Variants in SLC30A5 observed in about 807,000 individuals in gnomAD.
SLC30A5 encodes the protein proton-coupled zinc antiporter SLC30A5.
Under a neutral mutation model 79.6 loss-of-function variants are expected in SLC30A5, and 33 were observed. The observed-to-expected ratio is 0.41, with a 90% CI of 0.31 to 0.55. The LOEUF is 0.55. Ranked by LOEUF, SLC30A5 falls within the 20% of genes least tolerant of loss-of-function variation. The pLI, the probability that SLC30A5 is intolerant of heterozygous loss-of-function variation, is 0.20. For missense variants in SLC30A5, 788 were observed against 928.1 expected (o/e 0.85, Z 1.96); for synonymous variants, 299 against 319.7 (o/e 0.94, Z 0.69).
Position 69,113,123 on chromosome 5 carries a change from G to C in SLC30A5, c.448-17G>C. On this transcript the variant is annotated splice_polypyrimidine_tract_variant and intron_variant, in intron 5 of 15. Coordinates refer to ENST00000396591, the MANE Select transcript of SLC30A5 (RefSeq NM_022902.5). ...CCTTGAAAAAGTCATCCTTGATGTT[G>C]TTTTCTTTATTTTCAGACAAGGGGA... 1 of 1,603,800 alleles carries C rather than the reference G, an allele frequency of 6.2e-7. No individual in the cohort carries two copies. Among genetic ancestry groups the C allele is most frequent in the Non-Finnish European group, 8.5e-7 (1 of 1,173,884 alleles).
chr5:69,100,459 A>G (rs147365838), intron 1 of SLC30A5, among the ~76,000 whole-genome samples: 2 of 152,180 alleles, frequency 1.3e-5, no homozygotes, highest in Non-Finnish European at 2.9e-5. Flanking sequence ...GCTGGTCTCA[A>G]GCTACTGCAC....
chr5:69,125,870 C>CAAAAAAAAAAAAAAAAAAAAAAAA (rs532994254), intron 14 of SLC30A5, among the ~76,000 whole-genome samples: 15 of 54,200 alleles, frequency 2.8e-4, no homozygotes, highest in South Asian at 1.4e-3. Context: ...GACTCCGTCT[C>CAAAAAAAAAAAAAAAAAAAAAAAA]AAAAAAAAAA....
At position 69,116,056 on chromosome 5, in the gene SLC30A5, G is replaced by A; in HGVS notation, c.914G>A (p.Gly305Glu). Residue 305 changes from glycine (G) to glutamate (E), a missense_variant, in exon 9 of 16, where the codon GGA becomes GAA. By Grantham distance (98) the Gly-to-Glu change is moderately conservative. This residue lies in a region of SLC30A5 where 626 missense variants were observed against 755.5 expected (regional missense o/e 0.83). Transcript: ENST00000396591. The surrounding 1 kb of genome is among the most constrained non-coding windows in gnomAD (Gnocchi z 4.0). ...GAAGTTTCCAAATGTGCTCGTTATG[G>A]ATCCTTTCCCATTTTTATTAGTGCT... ...KMEVSKCARY[G>E]SFPIFISALL... is the part of the protein sequence containing the mutation. 1 of 1,614,062 alleles carries A rather than the reference G, an allele frequency of 6.2e-7. No homozygotes were observed. Among genetic ancestry groups the A allele is most frequent in the Non-Finnish European group, 8.5e-7 (1 of 1,180,020 alleles).
At chr5:69,104,772 A>T (rs1580170126) in intron 4 of SLC30A5, 56 bp downstream of exon 4, 6 of 1,319,388 alleles carry the variant, frequency 4.5e-6, no homozygotes, top group Admixed American at 2.1e-5. Flanking sequence ...TTTGAATATT[A>T]TTTTTGTTCC....
Position 69,115,998 on chromosome 5 carries a change from T to A in SLC30A5, c.856T>A (p.Phe286Ile), listed in dbSNP as rs755309661. Reference sequence around the variant, plus strand: ...TATCTTTTTTGTCATGATCCTGGATTTCTACGTGGATTCCATTTGTTCAGT... The same window carrying A: ...TATCTTTTTTGTCATGATCCTGGATATCTACGTGGATTCCATTTGTTCAGT... ...TVIFFVMILD[F>I]YVDSICSVKM... Residue 286 changes from phenylalanine to isoleucine, a missense_variant, in exon 9 of 16, where the codon TTC becomes ATC. Physicochemically the swap from Phe to Ile is conservative, Grantham distance 21. Coordinates refer to ENST00000396591, the MANE Select transcript of SLC30A5 (RefSeq NM_022902.5). The A allele has an allele frequency of 6.2e-7, 1 of 1,614,110 alleles. No homozygotes were observed. Among genetic ancestry groups the A allele is most frequent in the Non-Finnish European group, 8.5e-7 (1 of 1,179,976 alleles).
At chr5:69,113,050 A>T in intron 5 of SLC30A5, 90 bp from the exon 6 acceptor site, 1 of 1,030,168 alleles carries the variant, frequency 9.7e-7, no homozygotes, top group South Asian at 1.5e-5. Context: ...CTTACTTGAG[A>T]AAATGTTTTT....
Position 69,103,094 on chromosome 5 carries a change from C to A in SLC30A5, c.239C>A (p.Pro80Gln). ...TTTTTTATGGTTTTGTTTCAAAAGCCATTTTCTTCTGGGAAAACTATTACC... is the reference window on the plus strand; with the variant it reads ...TTTTTTATGGTTTTGTTTCAAAAGCAATTTTCTTCTGGGAAAACTATTACC... ...TAFFMVLFQK[P>Q]FSSGKTITKH... Residue 80 changes from proline to glutamine, a missense_variant, in exon 3 of 16, where the codon CCA becomes CAA. Transcript: ENST00000396591. 6.3e-7 allele frequency: 1 copy of A among 1,588,990 alleles called. No individual in the cohort carries two copies. Among genetic ancestry groups the A allele is most frequent in the South Asian group, 1.1e-5 (1 of 88,516 alleles).
intron 14 of SLC30A5, among the ~76,000 whole-genome samples, chr5:69,126,821 A>G (rs531635985): frequency 6.6e-6 from 1 of 151,066 alleles, no homozygotes; most frequent in South Asian, 2.1e-4. Flanking sequence ...ATATATATAT[A>G]TATGTATATA....
chr5:69,118,132 G>C (rs974003459), intron 11 of SLC30A5, among the ~76,000 whole-genome samples: 95 of 146,196 alleles, frequency 6.5e-4, no homozygotes, highest in Non-Finnish European at 1.2e-3. Context: ...AGCCAAGATC[G>C]TGCCACTGCA....
rs183336574 is a variant in SLC30A5 at position 69,115,330 on chromosome 5, C to G, written c.706C>G (p.Arg236Gly). ...KLSVDVGGAK[R>G]LQALSHLVSV... ...CTCTGTCGACGTTGGTGGAGCTAAACGTCTTCAAGCTTTATCTCATCTTGT... is the reference window on the plus strand; with the variant it reads ...CTCTGTCGACGTTGGTGGAGCTAAAGGTCTTCAAGCTTTATCTCATCTTGT... The change falls in exon 8 of 16, where the codon CGT becomes GGT. Residue 236 changes from arginine (R) to glycine (G), a missense_variant. Physicochemically the swap from Arg to Gly is moderately radical, Grantham distance 125. Coordinates refer to ENST00000396591, the MANE Select transcript of SLC30A5 (RefSeq NM_022902.5). 33 of 1,613,898 alleles carry G rather than the reference C, an allele frequency of 2.0e-5. No individual in the cohort carries two copies. The highest frequency in any genetic ancestry group is 1.6e-4 in the Middle Eastern group (1 of 6,062).
chr5:69,120,017 C>CAAA lies in SLC30A5; in HGVS notation c.1569+1407_1569+1409dup, dbSNP rs35168466. Among the ~76,000 whole-genome samples the CAAA allele has an allele frequency of 1.5e-3, 97 of 64,118 alleles. 1 individual carries two copies. The highest frequency in any genetic ancestry group is 5.5e-3 in the African/African-American group (80 of 14,666). 42.1% of individuals were successfully genotyped at this position (64,118 alleles called of 152,430 possible). A position where few individuals can be genotyped will look rare whatever the true frequency, so the allele number is the denominator to read the frequency against. On this transcript the variant is annotated intron_variant, in intron 12 of 15. Transcript: ENST00000396591. The stretch of plus-strand genomic sequence containing the variant: ...CCTGGGTGATAGAGAGACTCTGCCT[C>CAAA]AAAAAAAAAAAAAAAAAAAAGTAGT...
chr5:69,103,854 T>C, intron 3 of SLC30A5: 1 of 871,770 alleles, frequency 1.1e-6, no homozygotes, highest in Non-Finnish European at 1.7e-6. Context: ...GTCATAATTT[T>C]TTTATTAGAA....
intron 3 of SLC30A5, chr5:69,104,161 A>G (rs1298037004): frequency 1.3e-5 from 16 of 1,252,600 alleles, no homozygotes; most frequent in Non-Finnish European, 1.6e-5. Flanking sequence ...TTTTTGAGAA[A>G]GAGTCTTGCT....
At chr5:69,129,380 C>A in intron 15 of SLC30A5, 67 bp from the exon 16 acceptor site, 1 of 1,133,896 alleles carries the variant, frequency 8.8e-7, no homozygotes, top group Non-Finnish European at 1.3e-6. Flanking sequence ...CTATGTACAG[C>A]ATATTAAGAC....
chr5:69,117,249 T>C lies in SLC30A5; in HGVS notation c.1292T>C (p.Phe431Ser). The change falls in exon 11 of 16, where the codon TTT becomes TCT. Residue 431 changes from phenylalanine (F) to serine (S), a missense_variant. By Grantham distance (155) the Phe-to-Ser change is radical. This residue lies in a region of SLC30A5 where 626 missense variants were observed against 755.5 expected (regional missense o/e 0.83). Coordinates refer to ENST00000396591, the MANE Select transcript of SLC30A5 (RefSeq NM_022902.5). ...TGGTGACATTTTTAGCTTTTTACCT[T>C]TGTGGAATTATTCTATGGCGTGCTG... Reference protein sequence around the residue: ...YFLCLNLLFTFVELFYGVLTN... With the variant: ...YFLCLNLLFTSVELFYGVLTN... The C allele has an allele frequency of 6.2e-7, 1 of 1,611,778 alleles. No homozygotes were observed. The highest frequency in any genetic ancestry group is 8.5e-7 in the Non-Finnish European group (1 of 1,178,560).
At chr5:69,104,778 G>A (rs1294284207) in intron 4 of SLC30A5, 62 bp downstream of exon 4, 1 of 1,497,978 alleles carries the variant, frequency 6.7e-7, no homozygotes, top group Non-Finnish European at 9.1e-7. Context: ...TATTATTTTT[G>A]TTCCACTGTG....
chr5:69,116,171 C>T lies in SLC30A5; in HGVS notation c.1029C>T (p.Val343=). 3 of 1,614,112 alleles carry T rather than the reference C, an allele frequency of 1.9e-6. No individual in the cohort carries two copies. The highest frequency in any genetic ancestry group is 1.7e-6 in the Non-Finnish European group (2 of 1,180,006). ...KAAHQESTEH[V]LSGGVVVSAI... ...CACACCAGGAGAGCACTGAACACGT[C>T]CTGTCTGGAGGAGTGGTAGTGAGTG... Residue 343 remains valine, a synonymous_variant, in exon 9 of 16, where the codon GTC becomes GTT. Transcript: ENST00000396591. The surrounding 1 kb of genome is among the most constrained non-coding windows in gnomAD (Gnocchi z 4.0).
chr5:69,115,482 T>C, intron 8 of SLC30A5, 75 bp downstream of exon 8: 8 of 1,158,762 alleles, frequency 6.9e-6, no homozygotes, highest in Non-Finnish European at 9.7e-6. Flanking sequence ...TAGTTCACTG[T>C]ATTCAATAAA....
rs377340145 is a variant in SLC30A5 at position 69,117,748 on chromosome 5, G to C, written c.1439+352G>C. On this transcript the variant is annotated intron_variant, in intron 11 of 15. Transcript: ENST00000396591. ...AAAAATTAGCCGGGTATGGTGGCAC[G>C]CACCTGTAGCCCCAGCTACTCGGGA... Among the ~76,000 whole-genome samples, 25 of 151,922 alleles carry C rather than the reference G, an allele frequency of 1.6e-4. 1 individual carries two copies. Among genetic ancestry groups the C allele is most frequent in the African/African-American group, 6.0e-4 (25 of 41,432 alleles).
Sources: gnomAD v4.1 joint callset for allele counts (sites outside exome capture counted in the v4.1 genomes callset) on GRCh38, gnomAD v4.1.1 for gene constraint, gnomAD v4.1.1 regional missense constraint, Gnocchi (gnomAD v3.1) non-coding constraint, MANE v1.5 for transcripts, NCBI Gene and HGNC (gene_info 2026-07-23, HGNC 2026-07-21) for gene names.